Variants in SPTSSB observed in about 807,000 individuals in gnomAD.
SPTSSB encodes androgen down regulated in mouse prostate.
A neutral mutation model predicts 7.7 loss-of-function variants in SPTSSB; 6 were observed. The observed-to-expected ratio is 0.78, with a 90% CI of 0.43 to 1.54. SPTSSB has a LOEUF of 1.54. Among genes scored for constraint, SPTSSB ranks in the 40% most tolerant of loss-of-function variants. SPTSSB has a pLI of 0.01. For missense variants in SPTSSB, 91 were observed against 93.0 expected, an observed-to-expected ratio of 0.98 and a Z score of 0.09; for synonymous variants, 28 against 29.7, an observed-to-expected ratio of 0.94 and a Z score of 0.19.
intron 1 of SPTSSB, among the ~76,000 whole-genome samples, chr3:161,361,870 A>T (rs1254152042): frequency 1.3e-5 from 2 of 152,176 alleles, no homozygotes; most frequent in Non-Finnish European, 2.9e-5. Flanking sequence ...TTAGCAGATC[A>T]CAGAGTTACT....
At chr3:161,354,201 C>T (rs1247779250) in intron 2 of SPTSSB, among the ~76,000 whole-genome samples, 1 of 152,164 alleles carries the variant, frequency 6.6e-6, no homozygotes, top group Admixed American at 6.5e-5. Flanking sequence ...ATTTTATAAT[C>T]TTATACTTGG....
chr3:161,369,383 TC>T (rs1423605248), intron 1 of SPTSSB, among the ~76,000 whole-genome samples: 2 of 98,358 alleles, frequency 2.0e-5, no homozygotes, highest in African/African-American at 4.0e-5. Flanking sequence ...TCTCTTTCTT[TC>T]CTTTTTTTTT....
chr3:161,353,650 C>T (rs2108158827), intron 2 of SPTSSB, among the ~76,000 whole-genome samples: 1 of 152,136 alleles, frequency 6.6e-6, no homozygotes, highest in South Asian at 2.1e-4. Flanking sequence ...CACAGAGATA[C>T]AAAGACATGC....
At chr3:161,347,699 C>T (rs1169029340) in intron 2 of SPTSSB, among the ~76,000 whole-genome samples, 4 of 152,004 alleles carry the variant, frequency 2.6e-5, no homozygotes, top group Non-Finnish European at 5.9e-5. Flanking sequence ...TGGTGAAACC[C>T]TGTCTGTACT....
At chr3:161,359,930 G>T in intron 1 of SPTSSB, 36 bp from the exon 2 acceptor site, 1 of 324,620 alleles carries the variant, frequency 3.1e-6, no homozygotes, top group Non-Finnish European at 4.4e-6. Flanking sequence ...TAAACCAAAA[G>T]ATGTCTTCAA....
intron 2 of SPTSSB, among the ~76,000 whole-genome samples, chr3:161,349,160 T>C (rs893920109): frequency 7.2e-5 from 11 of 152,124 alleles, no homozygotes; most frequent in Non-Finnish European, 1.0e-4. Flanking sequence ...GACTTTATTC[T>C]CAAAGGCATT....
intron 1 of SPTSSB, among the ~76,000 whole-genome samples, chr3:161,369,802 T>A (rs1715430509): frequency 1.3e-5 from 2 of 152,078 alleles, no homozygotes; most frequent in South Asian, 4.1e-4. Flanking sequence ...CACCCATCCT[T>A]ACTGGAACAT....
intron 2 of SPTSSB, among the ~76,000 whole-genome samples, chr3:161,352,581 T>C (rs1468319043): frequency 6.6e-6 from 1 of 152,204 alleles, no homozygotes; most frequent in Non-Finnish European, 1.5e-5. Context: ...CAGTGCCTGG[T>C]TGGTGAGCTG....
At chr3:161,365,652 C>T (rs1312237473) in intron 1 of SPTSSB, among the ~76,000 whole-genome samples, 2 of 152,214 alleles carry the variant, frequency 1.3e-5, no homozygotes, top group Non-Finnish European at 2.9e-5. Context: ...AATTCTAATG[C>T]TCCATAATAA....
intron 2 of SPTSSB, among the ~76,000 whole-genome samples, chr3:161,348,692 T>TA (rs200872905): frequency 6.6e-6 from 1 of 152,150 alleles, no homozygotes. Context: ...CAGTTAAGAT[T>TA]AAAAAAATTT....
chr3:161,348,465 C>T (rs2108154027), intron 2 of SPTSSB, among the ~76,000 whole-genome samples: 1 of 152,260 alleles, frequency 6.6e-6, no homozygotes, highest in East Asian at 1.9e-4. Context: ...GATTCCTGAG[C>T]CATAGAAACT....
chr3:161,367,762 G>C (rs1715281986), intron 1 of SPTSSB, among the ~76,000 whole-genome samples: 1 of 152,106 alleles, frequency 6.6e-6, no homozygotes. Flanking sequence ...TGGCTTTTAG[G>C]GCCAGTCTAG....
intron 1 of SPTSSB, among the ~76,000 whole-genome samples, chr3:161,369,352 C>CTCTCTTTCTTTCTTTCTT (rs1715396665): frequency 2.0e-5 from 1 of 50,764 alleles, no homozygotes; most frequent in Non-Finnish European, 3.9e-5. Context: ...TTCTTTCTTT[C>CTCTCTTTCTTTCTTTCTT]TCTTTCTTTC....
At chr3:161,349,120 G>C (rs369427567) in intron 2 of SPTSSB, among the ~76,000 whole-genome samples, 5 of 152,212 alleles carry the variant, frequency 3.3e-5, no homozygotes, top group African/African-American at 1.2e-4. Flanking sequence ...CTACTATGTG[G>C]CTCCTTCTGA....
Position 161,353,593 on chromosome 3 carries a change from C to T in SPTSSB, c.-33+6209G>A, listed in dbSNP as rs145340170. ...ACAACCAATGTGATTGTTCTTGTCT[C>T]GGGGGCCTAATCACAAGCTGCATCT... On this transcript the variant is annotated intron_variant, in intron 2 of 2. Transcript: ENST00000620149. Among the ~76,000 whole-genome samples, 697 of 152,034 alleles carry T rather than the reference C, an allele frequency of 4.6e-3. 5 individuals carry two copies. Among genetic ancestry groups the T allele is most frequent in the African/African-American group, 0.016 (657 of 41,482 alleles).
chr3:161,346,433 T>TA (rs1379664608), intron 2 of SPTSSB, 78 bp from the exon 3 acceptor site: 1 of 677,248 alleles, frequency 1.5e-6, no homozygotes, highest in Non-Finnish European at 2.6e-6. Flanking sequence ...CTCAGCATGT[T>TA]AAAATCTTTC....
chr3:161,363,679 C>T (rs1276434375), intron 1 of SPTSSB, among the ~76,000 whole-genome samples: 1 of 152,058 alleles, frequency 6.6e-6, no homozygotes, highest in Non-Finnish European at 1.5e-5. Flanking sequence ...GTTTTACTTT[C>T]ACACTTGATT....
chr3:161,371,305 A>G (rs536201658), intron 1 of SPTSSB, 130 bp downstream of exon 1: 2 of 574,520 alleles, frequency 3.5e-6, no homozygotes, highest in Non-Finnish European at 2.2e-6. Flanking sequence ...TGAAAATTGT[A>G]ATGCAGTTAA....
chr3:161,361,783 C>T (rs1156877767), intron 1 of SPTSSB, among the ~76,000 whole-genome samples: 2 of 152,020 alleles, frequency 1.3e-5, no homozygotes, highest in Non-Finnish European at 2.9e-5. Flanking sequence ...CTACTGAATC[C>T]TTCAGGGACA....
Sources: gnomAD v4.1 joint callset for allele counts (sites outside exome capture counted in the v4.1 genomes callset) on GRCh38, gnomAD v4.1.1 for gene constraint, MANE v1.5 for transcripts, NCBI Gene and HGNC (gene_info 2026-07-23, HGNC 2026-07-21) for gene names.